Variants in CNKSR2 observed in about 807,000 individuals in gnomAD.
CNKSR2 encodes the protein connector enhancer of kinase suppressor of Ras 2, also known as CNK homolog protein 2.
In CNKSR2, 14 loss-of-function variants were observed where a neutral mutation model predicts 84.4. The ratio of observed to expected loss-of-function variants is 0.17; its 90% CI spans 0.11 to 0.26. The LOEUF is 0.26. CNKSR2 is among the 10% of genes least tolerant of loss of function. The pLI, the probability that CNKSR2 is intolerant of heterozygous loss-of-function variation, is 1.00. For missense variants in CNKSR2, 485 were observed against 771.2 expected (o/e 0.63, Z 4.40); for synonymous variants, 275 against 277.9 (o/e 0.99, Z 0.10).
rs2092209236 is a variant in CNKSR2 at position 21,563,310 on chromosome X, A to T, written c.1466A>T (p.Lys489Ile). The T allele has an allele frequency of 8.3e-7, 1 of 1,210,486 alleles. No homozygotes were observed. Among genetic ancestry groups the T allele is most frequent in the Admixed American group, 2.2e-5 (1 of 45,923 alleles). The change falls in exon 13 of 22, where the codon AAA becomes ATA. Residue 489 changes from lysine (K) to isoleucine (I), a missense_variant. Lys to Ile is a moderately radical substitution (Grantham distance 102). Around this residue, in one of 5 missense-constraint regions of CNKSR2, gnomAD observed 132 missense variants for 166.7 expected, o/e 0.79. Transcript: ENST00000379510. Reference sequence around the variant, plus strand: ...GAATACATGTTTCAGAGAAACAGCAAAAAGGACACAGGGAAGAAGTCAAAA... The same window carrying T: ...GAATACATGTTTCAGAGAAACAGCATAAAGGACACAGGGAAGAAGTCAAAA... ...QEEYMFQRNS[K>I]KDTGKKSKKK... is the part of the protein sequence containing the mutation.
chrX:21,636,085 A>G (rs2092671516), intron 20 of CNKSR2, among the ~76,000 whole-genome samples: 1 of 111,461 alleles, frequency 9.0e-6, no homozygotes, highest in Non-Finnish European at 1.9e-5. Flanking sequence ...CAAGAAAACT[A>G]TGTTGATAGA....
At chrX:21,544,808 C>T (rs2092008130) in intron 11 of CNKSR2, among the ~76,000 whole-genome samples, 1 of 111,128 alleles carries the variant, frequency 9.0e-6, no homozygotes, top group South Asian at 3.9e-4. Context: ...CCTCCCCTAG[C>T]CAAGGGAAGC....
intron 18 of CNKSR2, among the ~76,000 whole-genome samples, chrX:21,603,452 A>G (rs1211781393): frequency 1.8e-5 from 2 of 112,487 alleles, no homozygotes; most frequent in Non-Finnish European, 3.8e-5. Context: ...TACAAAATAT[A>G]GCTCTTTGAG....
At chrX:21,572,820 T>C (rs2092293193) in intron 13 of CNKSR2, among the ~76,000 whole-genome samples, 1 of 111,130 alleles carries the variant, frequency 9.0e-6, no homozygotes, top group Admixed American at 9.6e-5. Context: ...CCAAACCATA[T>C]CATTACGCCC....
intron 21 of CNKSR2, among the ~76,000 whole-genome samples, chrX:21,651,343 A>G (rs896756170): frequency 9.0e-6 from 1 of 111,624 alleles, no homozygotes. Flanking sequence ...ATAGCTGGCC[A>G]AGCAACCCTG....
intron 2 of CNKSR2, among the ~76,000 whole-genome samples, chrX:21,432,211 C>T (rs924770096): frequency 9.0e-6 from 1 of 111,242 alleles, no homozygotes; most frequent in Non-Finnish European, 1.9e-5. Flanking sequence ...ATCCCTAGTA[C>T]CTACATTCCT....
chrX:21,582,943 T>C (rs1027490911), intron 13 of CNKSR2, among the ~76,000 whole-genome samples: 1 of 111,683 alleles, frequency 9.0e-6, no homozygotes, highest in Non-Finnish European at 1.9e-5. Flanking sequence ...TATGACATTC[T>C]TTTTGATGGA....
intron 1 of CNKSR2, among the ~76,000 whole-genome samples, chrX:21,408,442 T>G (rs1224884520): frequency 8.9e-6 from 1 of 111,933 alleles, no homozygotes; most frequent in Non-Finnish European, 1.9e-5. Context: ...AAAGATTGTT[T>G]GCACAGCTGC....
chrX:21,453,146 C>G (rs772872921), intron 4 of CNKSR2, among the ~76,000 whole-genome samples: 1 of 110,835 alleles, frequency 9.0e-6, no homozygotes, highest in African/African-American at 3.3e-5. Flanking sequence ...AGACATGGAC[C>G]AACACTTCAA....
At chrX:21,441,940 A>G (rs999615126) in intron 4 of CNKSR2, among the ~76,000 whole-genome samples, 2 of 111,782 alleles carry the variant, frequency 1.8e-5, no homozygotes, top group African/African-American at 6.5e-5. Flanking sequence ...GAGATAATCA[A>G]TATCTAAAAA....
chrX:21,528,359 A>C (rs73203339), intron 10 of CNKSR2, among the ~76,000 whole-genome samples: 1 of 111,469 alleles, frequency 9.0e-6, no homozygotes, highest in Non-Finnish European at 1.9e-5. Context: ...GCAAATAATT[A>C]TTTAAAAGGC....
chrX:21,398,275 A>G (rs777298852), intron 1 of CNKSR2, among the ~76,000 whole-genome samples: 1 of 111,986 alleles, frequency 8.9e-6, no homozygotes, highest in South Asian at 3.7e-4. Context: ...GATTTTTCAA[A>G]TTTAATATTT....
intron 11 of CNKSR2, among the ~76,000 whole-genome samples, chrX:21,549,579 C>T (rs1054769951): frequency 3.6e-5 from 4 of 111,763 alleles, no homozygotes; most frequent in East Asian, 5.6e-4. Context: ...AGATGTCATA[C>T]GGAACCAAAA....
intron 11 of CNKSR2, among the ~76,000 whole-genome samples, chrX:21,549,548 G>A (rs2092064576): frequency 9.0e-6 from 1 of 111,617 alleles, no homozygotes; most frequent in Admixed American, 9.5e-5. Context: ...TTTCTTCACA[G>A]AATTAGAAAA....
At chrX:21,508,608 G>T (rs775172895) in intron 8 of CNKSR2, among the ~76,000 whole-genome samples, 2 of 111,729 alleles carry the variant, frequency 1.8e-5, no homozygotes, top group Admixed American at 9.5e-5. Flanking sequence ...TGAAACCTCC[G>T]AAATAAACCT....
At chrX:21,466,773 C>T (rs1157301522) in intron 4 of CNKSR2, among the ~76,000 whole-genome samples, 1 of 110,862 alleles carries the variant, frequency 9.0e-6, no homozygotes, top group Non-Finnish European at 1.9e-5. Flanking sequence ...TTAGTAGAGA[C>T]GGGGTTTCAC....
intron 5 of CNKSR2, among the ~76,000 whole-genome samples, chrX:21,482,904 A>T (rs1190859478): frequency 9.0e-6 from 1 of 111,668 alleles, no homozygotes; most frequent in African/African-American, 3.3e-5. Flanking sequence ...TCCAGGCCTT[A>T]TTGGGATGAA....
At chrX:21,461,374 C>T (rs2091059552) in intron 4 of CNKSR2, among the ~76,000 whole-genome samples, 1 of 111,788 alleles carries the variant, frequency 8.9e-6, no homozygotes, top group Non-Finnish European at 1.9e-5. Context: ...ATTTTTTAAT[C>T]AGATTATTAG....
intron 21 of CNKSR2, among the ~76,000 whole-genome samples, 200 bp from the exon 22 acceptor site, chrX:21,652,106 A>G (rs2092722244): frequency 2.7e-5 from 3 of 111,956 alleles, no homozygotes; most frequent in Admixed American, 1.9e-4. Flanking sequence ...AGAAAAAGCA[A>G]ACCACACAGT....
Sources: allele counts gnomAD v4.1 joint callset (sites outside exome capture counted in the v4.1 genomes callset), GRCh38; gene constraint gnomAD v4.1.1; regional missense constraint gnomAD v4.1.1; transcripts MANE v1.5; gene names NCBI Gene and HGNC (gene_info 2026-07-23, HGNC 2026-07-21).